Variants in ULK4 observed in about 807,000 individuals in gnomAD.
The protein encoded by ULK4 is unc-51 like kinase 4, also known as inactive serine/threonine-protein kinase ULK4.
In ULK4, 133 loss-of-function variants were observed where a neutral mutation model predicts 160.6. The observed-to-expected ratio is 0.83, with a 90% CI of 0.72 to 0.96. ULK4 has a LOEUF of 0.96. Among genes scored for constraint, ULK4 ranks in the 40% least tolerant of loss-of-function variants. The pLI is 0.00. For synonymous variants in ULK4, 534 were observed against 539.8 expected, an observed-to-expected ratio of 0.99 and a Z score of 0.15; for missense variants, 1,580 against 1,499.5, an observed-to-expected ratio of 1.05 and a Z score of -0.89.
intron 21 of ULK4, among the ~76,000 whole-genome samples, chr3:41,765,730 G>A (rs920194438): frequency 6.6e-6 from 1 of 152,040 alleles, no homozygotes; most frequent in African/African-American, 2.4e-5. Flanking sequence ...AGGAGTGGAG[G>A]AAGCAATCTT....
intron 20 of ULK4, among the ~76,000 whole-genome samples, chr3:41,792,279 G>GT (rs1286118513): frequency 2.6e-5 from 4 of 151,998 alleles, no homozygotes; most frequent in African/African-American, 9.7e-5. Flanking sequence ...ATTTTGAGAG[G>GT]TAGGGGTGTG....
At chr3:41,696,671 C>A (rs2036514168) in intron 27 of ULK4, among the ~76,000 whole-genome samples, 1 of 152,150 alleles carries the variant, frequency 6.6e-6, no homozygotes, top group Non-Finnish European at 1.5e-5. Context: ...TGGGGCTGGT[C>A]CCTATAGTCC....
intron 34 of ULK4, among the ~76,000 whole-genome samples, chr3:41,409,782 C>G (rs941947834): frequency 2.6e-5 from 4 of 151,966 alleles, no homozygotes; most frequent in Admixed American, 6.6e-5. Flanking sequence ...AACCTCATCT[C>G]TACTAAAAAT....
intron 35 of ULK4, among the ~76,000 whole-genome samples, chr3:41,394,829 G>C (rs2082023106): frequency 6.6e-6 from 1 of 152,026 alleles, no homozygotes; most frequent in Admixed American, 6.6e-5. Flanking sequence ...GACTGACCCA[G>C]GGTAAACTAG....
intron 27 of ULK4, among the ~76,000 whole-genome samples, chr3:41,690,609 AC>A (rs2036263924): frequency 6.6e-6 from 1 of 151,288 alleles, no homozygotes; most frequent in Admixed American, 6.6e-5. Context: ...TCTCCCACCA[AC>A]CAATACATTT....
chr3:41,365,049 C>T (rs2081228512), intron 35 of ULK4, among the ~76,000 whole-genome samples: 1 of 152,178 alleles, frequency 6.6e-6, no homozygotes, highest in Non-Finnish European at 1.5e-5. Context: ...TAGCAAGGGG[C>T]TAGAGGTCCT....
chr3:41,570,697 A>G (rs751667000), intron 31 of ULK4, among the ~76,000 whole-genome samples: 5 of 152,194 alleles, frequency 3.3e-5, no homozygotes, highest in African/African-American at 4.8e-5. Context: ...TCTGAAGCCA[A>G]TACTCCAGCT....
chr3:41,278,235 T>G (rs7611672), intron 35 of ULK4: 39,929 of 152,302 alleles, frequency 0.26, 8,047 homozygotes, highest in African/African-American at 0.56. Flanking sequence ...GCAGCCCGGT[T>G]GGGGGAGGGG....
At chr3:41,831,531 A>ATATATATATTTTTT in intron 18 of ULK4, among the ~76,000 whole-genome samples, 3 of 138,066 alleles carry the variant, frequency 2.2e-5, no homozygotes, top group African/African-American at 8.5e-5. Context: ...ATATATATAT[A>ATATATATATTTTTT]TTTTTTTTTC....
chr3:41,451,215 GA>G (rs1001550087), intron 34 of ULK4, among the ~76,000 whole-genome samples: 2 of 152,002 alleles, frequency 1.3e-5, no homozygotes, highest in Non-Finnish European at 2.9e-5. Context: ...TAAGAAACCA[GA>G]AGACATCTGG....
At chr3:41,613,008 A>C (rs2125679288) in intron 31 of ULK4, among the ~76,000 whole-genome samples, 1 of 152,322 alleles carries the variant, frequency 6.6e-6, no homozygotes, top group Non-Finnish European at 1.5e-5. Context: ...AAATGAATCA[A>C]ATGATGTTTC....
chr3:41,757,459 C>T (rs1267663359), intron 21 of ULK4, among the ~76,000 whole-genome samples: 3 of 151,562 alleles, frequency 2.0e-5, no homozygotes, highest in Non-Finnish European at 4.4e-5. Context: ...AGTGAAACCC[C>T]GTCTCTACTA....
chr3:41,777,722 G>C (rs1362746393), intron 21 of ULK4, among the ~76,000 whole-genome samples: 1 of 128,136 alleles, frequency 7.8e-6, no homozygotes, highest in Non-Finnish European at 1.6e-5. Context: ...TTTCCATGTA[G>C]TTGAGCGGCT....
At chr3:41,314,271 T>C (rs372464042) in intron 35 of ULK4, among the ~76,000 whole-genome samples, 8 of 152,214 alleles carry the variant, frequency 5.3e-5, no homozygotes, top group Admixed American at 3.9e-4. Flanking sequence ...TATTGTGCAG[T>C]GGTAAAGTCT....
At chr3:41,303,260 G>A (rs1386349613) in intron 35 of ULK4, among the ~76,000 whole-genome samples, 1 of 152,146 alleles carries the variant, frequency 6.6e-6, no homozygotes, top group East Asian at 1.9e-4. Context: ...CCTATACTGG[G>A]ATGTTTTACT....
At chr3:41,753,575 G>A (rs184926381) in intron 22 of ULK4, among the ~76,000 whole-genome samples, 78 of 152,240 alleles carry the variant, frequency 5.1e-4, no homozygotes, top group African/African-American at 1.8e-3. Flanking sequence ...GTTACAAGCC[G>A]GGAGAAAGAC....
At chr3:41,498,922 A>G (rs946891261) in intron 32 of ULK4, among the ~76,000 whole-genome samples, 1 of 152,150 alleles carries the variant, frequency 6.6e-6, no homozygotes, top group Non-Finnish European at 1.5e-5. Flanking sequence ...GATTAATGTA[A>G]CTGATAAAAT....
chr3:41,473,247 T>A (rs1344277753), intron 32 of ULK4, among the ~76,000 whole-genome samples: 1 of 152,136 alleles, frequency 6.6e-6, no homozygotes, highest in Non-Finnish European at 1.5e-5. Context: ...CCAGAGTAAT[T>A]AGGCAAGAGA....
intron 14 of ULK4, among the ~76,000 whole-genome samples, chr3:41,897,218 A>G (rs1052098523): frequency 3.3e-5 from 5 of 152,206 alleles, no homozygotes; most frequent in African/African-American, 7.2e-5. Context: ...AACCACTTCA[A>G]TGGAAAACTA....
Sources: gnomAD v4.1 joint callset for allele counts (sites outside exome capture counted in the v4.1 genomes callset) on GRCh38, gnomAD v4.1.1 for gene constraint, MANE v1.5 for transcripts, NCBI Gene and HGNC (gene_info 2026-07-23, HGNC 2026-07-21) for gene names.